Variants in POU2F3 observed in about 807,000 individuals in gnomAD.
The protein encoded by POU2F3 is POU class 2 homeobox 3.
A neutral mutation model predicts 59.2 loss-of-function variants in POU2F3; 23 were observed. The ratio of observed to expected loss-of-function variants is 0.39; its 90% CI spans 0.28 to 0.55. The LOEUF is 0.55. POU2F3 is among the 20% of genes least tolerant of loss of function. The pLI is 0.66. For missense variants in POU2F3, 473 were observed against 544.5 expected, an observed-to-expected ratio of 0.87 and a Z score of 1.31; for synonymous variants, 190 against 214.6, an observed-to-expected ratio of 0.89 and a Z score of 1.00.
intron 1 of POU2F3, among the ~76,000 whole-genome samples, chr11:120,243,286 T>C (rs1216208335): frequency 6.6e-6 from 1 of 152,022 alleles, no homozygotes; most frequent in Non-Finnish European, 1.5e-5. Flanking sequence ...AGATGGACAC[T>C]AGGAGAGAGG....
intron 3 of POU2F3, among the ~76,000 whole-genome samples, chr11:120,279,285 C>G (rs1940463199): frequency 6.6e-6 from 1 of 152,082 alleles, no homozygotes; most frequent in South Asian, 2.1e-4. Context: ...TCTGATTCCT[C>G]ATGTGAAGAT....
At position 120,317,330 on chromosome 11, in the gene POU2F3, G is replaced by A. The variant is rs771804980; in HGVS notation, c.1237G>A (p.Ala413Thr). 1.9e-6 allele frequency: 3 copies of A among 1,614,168 alleles called. No homozygotes were observed. The highest frequency in any genetic ancestry group is 3.3e-5 in the Admixed American group (2 of 60,020). The change falls in exon 12 of 13, where the codon GCA becomes ACA. Residue 413 changes from alanine to threonine, a missense_variant. Coordinates refer to ENST00000543440, the MANE Select transcript of POU2F3 (RefSeq NM_014352.4). The part of the protein sequence containing the change: ...PTASQNNSKA[A>T]VNSASSFNSS... ...TGCATCTCAAAATAACTCCAAAGCA[G>A]CAGTGAACTCCGCCTCCAGTTTTAA...
chr11:120,302,213 A>T, intron 5 of POU2F3, 73 bp from the exon 6 acceptor site: 1 of 1,350,852 alleles, frequency 7.4e-7, no homozygotes, highest in South Asian at 1.3e-5. Flanking sequence ...CGTGGTGCCA[A>T]AGTTGTAGCA....
At chr11:120,299,772 C>T (rs758191907) in intron 5 of POU2F3, 46 bp downstream of exon 5, 2 of 1,504,984 alleles carry the variant, frequency 1.3e-6, no homozygotes, top group East Asian at 4.5e-5. Flanking sequence ...CAGTCAAGTG[C>T]TGCTGTTGCT....
chr11:120,289,771 G>A (rs1243238467), intron 3 of POU2F3, among the ~76,000 whole-genome samples: 3 of 152,244 alleles, frequency 2.0e-5, no homozygotes, highest in Admixed American at 6.5e-5. Flanking sequence ...TTTCTTCCGA[G>A]AGCCTTCTTC....
intron 3 of POU2F3, among the ~76,000 whole-genome samples, chr11:120,272,746 G>T (rs151045172): frequency 6.6e-6 from 1 of 152,152 alleles, no homozygotes; most frequent in Non-Finnish European, 1.5e-5. Context: ...GGGTGGGAAG[G>T]TCAAGGGACC....
chr11:120,243,258 G>A (rs533066685), intron 1 of POU2F3, among the ~76,000 whole-genome samples: 3 of 152,128 alleles, frequency 2.0e-5, no homozygotes, highest in East Asian at 1.9e-4. Flanking sequence ...GGGAGCTCCC[G>A]TCCTTCCAAG....
At chr11:120,254,388 C>T (rs1939246432) in intron 2 of POU2F3, among the ~76,000 whole-genome samples, 1 of 152,150 alleles carries the variant, frequency 6.6e-6, no homozygotes, top group Non-Finnish European at 1.5e-5. Flanking sequence ...GTCGAGGTTG[C>T]TCTTTCAAGG....
intron 3 of POU2F3, among the ~76,000 whole-genome samples, chr11:120,290,091 C>G (rs1024642168): frequency 2.6e-5 from 4 of 152,240 alleles, no homozygotes; most frequent in Non-Finnish European, 5.9e-5. Flanking sequence ...GCTGTTGAAA[C>G]AGACCTCGGG....
intron 3 of POU2F3, among the ~76,000 whole-genome samples, chr11:120,275,099 A>G (rs1940265558): frequency 6.6e-6 from 1 of 152,190 alleles, no homozygotes; most frequent in Non-Finnish European, 1.5e-5. Context: ...CAAGGAAATG[A>G]TGGAGACTTG....
chr11:120,300,179 T>C (rs975108592), intron 5 of POU2F3, among the ~76,000 whole-genome samples: 1 of 152,164 alleles, frequency 6.6e-6, no homozygotes, highest in Non-Finnish European at 1.5e-5. Context: ...GTAGAAAGGG[T>C]GTTCAGGTTT....
At chr11:120,281,624 C>CT (rs1940574310) in intron 3 of POU2F3, among the ~76,000 whole-genome samples, 1 of 152,084 alleles carries the variant, frequency 6.6e-6, no homozygotes, top group Non-Finnish European at 1.5e-5. Context: ...TCCTGCTGTG[C>CT]TTTTCTTTCT....
intron 6 of POU2F3, chr11:120,302,697 C>A: frequency 3.7e-6 from 1 of 268,712 alleles, no homozygotes. Flanking sequence ...CTCAGGCATA[C>A]CAAGATGGCC....
At chr11:120,282,796 A>G (rs1591412412) in intron 3 of POU2F3, among the ~76,000 whole-genome samples, 3 of 152,310 alleles carry the variant, frequency 2.0e-5, no homozygotes, top group Non-Finnish European at 4.4e-5. Flanking sequence ...TTATGTTTAT[A>G]TTTTCCCCCT....
intron 2 of POU2F3, among the ~76,000 whole-genome samples, chr11:120,251,793 CTTTTTTTTT>C (rs547326332): frequency 8.0e-6 from 1 of 125,236 alleles, no homozygotes; most frequent in East Asian, 3.0e-4. Flanking sequence ...TCTTGGCTGC[CTTTTTTTTT>C]TTTTTTTTTT....
intron 1 of POU2F3, 68 bp downstream of exon 1, chr11:120,240,439 A>C: frequency 7.7e-7 from 1 of 1,305,378 alleles, no homozygotes. Context: ...GGAGAGGGAC[A>C]ACGTTCTGGT....
At chr11:120,243,721 A>G (rs948471648) in intron 1 of POU2F3, among the ~76,000 whole-genome samples, 6 of 152,166 alleles carry the variant, frequency 3.9e-5, no homozygotes, top group African/African-American at 1.4e-4. Context: ...CGTCCCACCC[A>G]TCAGCCTCAG....
chr11:120,250,066 T>C (rs1939035518), intron 2 of POU2F3: 1 of 152,240 alleles, frequency 6.6e-6, no homozygotes, highest in Admixed American at 6.5e-5. Flanking sequence ...CTTTAAAGGC[T>C]GAATTTTAAA....
At chr11:120,266,921 A>T (rs1044569951) in intron 2 of POU2F3, among the ~76,000 whole-genome samples, 6 of 152,266 alleles carry the variant, frequency 3.9e-5, no homozygotes, top group Non-Finnish European at 5.9e-5. Context: ...CACCTTGCAC[A>T]TAGACTGTGC....
Sources: allele counts gnomAD v4.1 joint callset (sites outside exome capture counted in the v4.1 genomes callset), GRCh38; gene constraint gnomAD v4.1.1; transcripts MANE v1.5; gene names NCBI Gene and HGNC (gene_info 2026-07-23, HGNC 2026-07-21).